OSBPL9: variants seen among roughly 807,000 people sequenced by gnomAD.
The protein encoded by OSBPL9 is oxysterol binding protein like 9, also known as oxysterol-binding protein-related protein 9.
In OSBPL9, 40 loss-of-function variants were observed where a neutral mutation model predicts 106.6. That is an observed-to-expected ratio of 0.38 (90% CI 0.29 to 0.49). The LOEUF (loss-of-function observed/expected upper bound fraction) is 0.49. Ranked by LOEUF, OSBPL9 falls within the 20% of genes least tolerant of loss-of-function variation. OSBPL9 has a pLI of 0.97. For missense variants in OSBPL9, 609 were observed against 887.2 expected (o/e 0.69, Z 3.98); for synonymous variants, 269 against 295.4 (o/e 0.91, Z 0.92).
chr1:51,756,805 T>C (rs1002641769), intron 9 of OSBPL9: 3 of 157,050 alleles, frequency 1.9e-5, no homozygotes, highest in African/African-American at 7.2e-5. Context: ...TTAACCATCA[T>C]TGTTAATGTG....
At chr1:51,591,784 T>TGAAA (rs147163469) in intron 1 of OSBPL9, among the ~76,000 whole-genome samples, 32,809 of 151,212 alleles carry the variant, frequency 0.22, 5,635 homozygotes, top group African/African-American at 0.48. Context: ...AGAGCAAGAC[T>TGAAA]GAAAGAAAGA....
intron 3 of OSBPL9, among the ~76,000 whole-genome samples, chr1:51,677,394 G>C (rs562908827): frequency 1.3e-5 from 2 of 152,330 alleles, no homozygotes; most frequent in East Asian, 3.9e-4. Context: ...ATTTTGGATT[G>C]TCTGTATGTC....
intron 3 of OSBPL9, among the ~76,000 whole-genome samples, chr1:51,673,331 G>T (rs1650360863): frequency 6.6e-6 from 1 of 152,184 alleles, no homozygotes; most frequent in South Asian, 2.1e-4. Flanking sequence ...GATAGGAGTG[G>T]AGACAGTGCA....
chr1:51,697,330 T>G (rs1367315736), intron 3 of OSBPL9, among the ~76,000 whole-genome samples: 1 of 152,118 alleles, frequency 6.6e-6, no homozygotes, highest in Non-Finnish European at 1.5e-5. Flanking sequence ...CCGTGCATAT[T>G]GGGGCTCAGT....
Position 51,765,971 on chromosome 1 carries a change from C to T in OSBPL9, c.928C>T (p.Arg310Cys), listed in dbSNP as rs773520638. The T allele has an allele frequency of 9.3e-6, 15 of 1,610,978 alleles. No individual in the cohort carries two copies. The highest frequency in any genetic ancestry group is 5.1e-5 in the Admixed American group (3 of 59,368). The change falls in exon 12 of 24, where the codon CGC (arginine) becomes TGC (cysteine). Residue 310 changes from arginine (R) to cysteine (C), a missense_variant. Physicochemically the swap from Arg to Cys is radical, Grantham distance 180 (BLOSUM62 -3). Transcript: ENST00000428468. ...EFHQSGSSPKRLIDSSGSASV... is the reference protein window; with the variant it reads ...EFHQSGSSPKCLIDSSGSASV... Reference sequence around the variant, plus strand: ...CCATCAAAGTGGCTCATCCCCAAAGCGCTTAATAGAGTGAGTAGATGAACA... The same window carrying T: ...CCATCAAAGTGGCTCATCCCCAAAGTGCTTAATAGAGTGAGTAGATGAACA...
At chr1:51,695,129 CTA>C (rs1655758194) in intron 3 of OSBPL9, among the ~76,000 whole-genome samples, 2 of 152,116 alleles carry the variant, frequency 1.3e-5, no homozygotes, top group South Asian at 4.1e-4. Flanking sequence ...GTCACAGAGA[CTA>C]TGTATTAAAT....
intron 1 of OSBPL9, among the ~76,000 whole-genome samples, chr1:51,590,831 C>T (rs1433710451): frequency 6.6e-6 from 1 of 150,928 alleles, no homozygotes. Flanking sequence ...GTCACTATAA[C>T]CTCAAACTTC....
chr1:51,704,245 G>A (rs1461526920), intron 3 of OSBPL9, among the ~76,000 whole-genome samples: 1 of 152,088 alleles, frequency 6.6e-6, no homozygotes, highest in Admixed American at 6.5e-5. Context: ...GGTAGAATTC[G>A]GCTGTGAATC....
chr1:51,701,994 T>G (rs1175496968), intron 3 of OSBPL9, among the ~76,000 whole-genome samples: 2 of 152,250 alleles, frequency 1.3e-5, no homozygotes, highest in Non-Finnish European at 2.9e-5. Context: ...TTTTTATGGC[T>G]GCATAGTATT....
At chr1:51,571,185 T>G in the OSBPL9 span, among the ~76,000 whole-genome samples, 24,110 of 152,048 alleles carry the variant, frequency 0.16, 3,714 homozygotes, top group African/African-American at 0.4. Flanking sequence ...GAAGAACAGG[T>G]GCATCTTTAT....
intron 12 of OSBPL9, among the ~76,000 whole-genome samples, chr1:51,770,610 T>C (rs1323190918): frequency 1.3e-5 from 2 of 152,194 alleles, no homozygotes; most frequent in Non-Finnish European, 2.9e-5. Context: ...ATTTGATTTC[T>C]CTTACCTGTA....
the OSBPL9 span, among the ~76,000 whole-genome samples, chr1:51,558,044 G>A: frequency 2.0e-5 from 3 of 152,124 alleles, no homozygotes; most frequent in African/African-American, 7.2e-5. Flanking sequence ...ACTTTGGGAG[G>A]CCAAGGCGGG....
At chr1:51,740,108 C>T in intron 4 of OSBPL9, 2 of 1,548,630 alleles carry the variant, frequency 1.3e-6, no homozygotes, top group South Asian at 2.4e-5. Context: ...AGCATGGTAA[C>T]TTTCTATTCT....
the OSBPL9 span, among the ~76,000 whole-genome samples, chr1:51,552,982 CT>C: frequency 1.3e-5 from 2 of 150,740 alleles, no homozygotes; most frequent in African/African-American, 2.4e-5. Flanking sequence ...AAAAAACAAA[CT>C]TTTTTTTGTG....
chr1:51,750,054 A>G lies in OSBPL9; in HGVS notation c.493-91A>G, dbSNP rs974937138. The G allele has an allele frequency of 1.0e-4, 89 of 871,814 alleles. 1 individual carries two copies. In the South Asian group the frequency reaches 1.3e-3, roughly 12 times the overall value. The allele number at this position is 871,814 out of a possible 1,614,324, so 54.0% of individuals were successfully genotyped here. A position where few individuals can be genotyped will look rare whatever the true frequency, so the allele number is the denominator to read the frequency against. ...TGTGTAGTATAGACTTAAACTCTAT[A>G]CATCTGAACTGATTTTTATATTTTA... On this transcript the variant is annotated intron_variant, in intron 7 of 23. Transcript: ENST00000428468.
In OSBPL9 at chr1:51,642,706, A is replaced by G. The variant is rs1473707864; in HGVS notation, c.112-9285A>G. On this transcript the variant is annotated intron_variant, in intron 1 of 23. Coordinates refer to ENST00000428468, the MANE Select transcript of OSBPL9 (RefSeq NM_024586.6). ...TCTGGAGTTTTATCTCTTTTTACAT[A>G]CAAATATCTAGGGAGATAGCTGTAC... Among the ~76,000 whole-genome samples the G allele has an allele frequency of 2.6e-5, 4 of 152,186 alleles. No homozygotes were observed. The East Asian group carries it at 7.7e-4, about 29-fold the overall frequency.
chr1:51,618,322 A>G (rs1644211132), intron 1 of OSBPL9, among the ~76,000 whole-genome samples: 1 of 152,104 alleles, frequency 6.6e-6, no homozygotes, highest in Non-Finnish European at 1.5e-5. Flanking sequence ...TCCGGCCTTG[A>G]ATCTTATGTT....
At chr1:51,731,025 A>G (rs1398948001) in intron 4 of OSBPL9, among the ~76,000 whole-genome samples, 1 of 151,762 alleles carries the variant, frequency 6.6e-6, no homozygotes, top group Admixed American at 6.6e-5. Context: ...ATTTATTTAT[A>G]CTTTAAATAT....
intron 4 of OSBPL9, among the ~76,000 whole-genome samples, chr1:51,738,511 AATT>A (rs995126186): frequency 7.9e-5 from 12 of 152,054 alleles, no homozygotes; most frequent in Non-Finnish European, 1.3e-4. Context: ...CCAAGGTAAT[AATT>A]AAGTACAGTT....
Sources: allele counts gnomAD v4.1 joint callset (sites outside exome capture counted in the v4.1 genomes callset), GRCh38; gene constraint gnomAD v4.1.1; transcripts MANE v1.5; gene names NCBI Gene and HGNC (gene_info 2026-07-23, HGNC 2026-07-21).